The following CRMP1 variants were observed in gnomAD, a reference collection of about 807,000 sequenced individuals.
CRMP1 encodes collapsin response mediator protein 1.
Under a neutral mutation model 68.3 loss-of-function variants are expected in CRMP1, and 19 were observed. That is an observed-to-expected ratio of 0.28 (90% confidence interval 0.19 to 0.41). CRMP1 has a LOEUF of 0.41. CRMP1 is among the 10% of genes least tolerant of loss of function. The pLI is 1.00. For synonymous variants in CRMP1, 439 were observed against 399.6 expected (o/e 1.10, Z -1.18); for missense variants, 791 against 967.4 (o/e 0.82, Z 2.42).
chr4:5,849,492 G>C lies in CRMP1; in HGVS notation c.883-20C>G. The C allele has an allele frequency of 6.4e-7, 1 of 1,564,372 alleles. No individual in the cohort carries two copies. The highest frequency in any genetic ancestry group is 8.7e-7 in the Non-Finnish European group (1 of 1,143,364). On this transcript the variant is annotated intron_variant, in intron 5 of 13. Transcript: ENST00000324989. The stretch of plus-strand genomic sequence containing the variant: ...ATAGAGCTATGGAGAGATAAACAGG[G>C]GTTGGTGTGAGATTTAAAAAAAAAA...
chr4:5,876,024 G>A (rs1714802922), intron 1 of CRMP1, among the ~76,000 whole-genome samples: 1 of 151,932 alleles, frequency 6.6e-6, no homozygotes, highest in Non-Finnish European at 1.5e-5. Context: ...ATGGTGGCAG[G>A]CGCCTGTAGT....
At chr4:5,849,301 G>T in intron 6 of CRMP1, 91 bp downstream of exon 6, 1 of 1,014,244 alleles carries the variant, frequency 9.9e-7, no homozygotes, top group Non-Finnish European at 1.5e-6. Context: ...TCATTGTACA[G>T]CCTCCTCACT....
chr4:5,825,746 G>A lies in CRMP1; in HGVS notation c.1804-87C>T, dbSNP rs1560478039. Reference sequence around the variant, plus strand: ...ATAAAGCAGAGCCCTGCGGGCGAGAGAGAAACCTGAGGTCACTTCAAATGT... The same window carrying A: ...ATAAAGCAGAGCCCTGCGGGCGAGAAAGAAACCTGAGGTCACTTCAAATGT... On this transcript the variant is annotated intron_variant, in intron 12 of 13. Transcript: ENST00000324989. The surrounding 1 kb of genome is among the most constrained non-coding windows in gnomAD (Gnocchi z 4.4). 1 of 1,388,540 alleles carries A rather than the reference G, an allele frequency of 7.2e-7. No individual in the cohort carries two copies. 86.0% of individuals were successfully genotyped at this position (1,388,540 alleles called of 1,614,324 possible).
In CRMP1 at chr4:5,823,403, C is replaced by T. The variant is rs557408087; in HGVS notation, c.1970-1552G>A. Among the ~76,000 whole-genome samples the T allele has an allele frequency of 4.6e-5, 7 of 152,316 alleles. No individual in the cohort carries two copies. The South Asian group carries it at 1.2e-3, about 27-fold the overall frequency. On this transcript the variant is annotated intron_variant, in intron 13 of 13. Transcript: ENST00000324989. Reference sequence around the variant, plus strand: ...AACTTTTTCCTTACAACCATCTGTACCTTGCTGGTTGCATGTCTGTACTTT... The same window carrying T: ...AACTTTTTCCTTACAACCATCTGTATCTTGCTGGTTGCATGTCTGTACTTT...
rs773957783 is a variant in CRMP1 at position 5,861,019 on chromosome 4, C to T, written c.655+7G>A. ...ATGTCCCTAAGGCAGGGGACAGTGT[C>T]ACTCACTGATCATCGTGGTCCCGCC... On this transcript the variant is annotated splice_region_variant and intron_variant, in intron 3 of 13. Coordinates refer to ENST00000324989, the MANE Select transcript of CRMP1 (RefSeq NM_001014809.3). The surrounding 1 kb of genome is among the most constrained non-coding windows in gnomAD (Gnocchi z 6.0). 15 of 1,613,280 alleles carry T rather than the reference C, an allele frequency of 9.3e-6. No homozygotes were observed. Among genetic ancestry groups the T allele is most frequent in the Non-Finnish European group, 1.2e-5 (14 of 1,179,712 alleles).
Position 5,847,120 on chromosome 4 carries a change from G to A in CRMP1, c.963+2272C>T, listed in dbSNP as rs530038377. ...CATTTCCCAGCCAGATTTCAGAACC[G>A]CCATGAACCAATAACTCCTTGGTGC... On this transcript the variant is annotated intron_variant, in intron 6 of 13. Coordinates refer to ENST00000324989, the MANE Select transcript of CRMP1 (RefSeq NM_001014809.3). Among the ~76,000 whole-genome samples, 233 of 152,256 alleles carry A rather than the reference G, an allele frequency of 1.5e-3. 1 individual carries two copies. The highest frequency in any genetic ancestry group is 6.7e-3 in the East Asian group (35 of 5,186).
At chr4:5,833,163 T>TAAGAGATGAAA (rs1407084612) in intron 11 of CRMP1, among the ~76,000 whole-genome samples, 8 of 109,814 alleles carry the variant, frequency 7.3e-5, no homozygotes, top group South Asian at 3.2e-4. Context: ...CCAGAACTTT[T>TAAGAGATGAAA]TTTTTTTTTT....
At position 5,853,432 on chromosome 4, in the gene CRMP1, G is replaced by C. The variant is rs1438119046; in HGVS notation, c.821-1963C>G. 6.6e-6 allele frequency among the ~76,000 whole-genome samples: 1 copy of C among 152,174 alleles called. No homozygotes were observed. The highest frequency in any genetic ancestry group is 1.9e-4 in the East Asian group (1 of 5,192). On this transcript the variant is annotated intron_variant, in intron 4 of 13. Coordinates refer to ENST00000324989, the MANE Select transcript of CRMP1 (RefSeq NM_001014809.3). The surrounding 1 kb of genome is among the most constrained non-coding windows in gnomAD (Gnocchi z 4.7). Reference sequence around the variant, plus strand: ...GAAAGAAAGAAAGAGCTGCATCTAAGAGATAGCAAGTGTTGATGAGGATGT... The same window carrying C: ...GAAAGAAAGAAAGAGCTGCATCTAACAGATAGCAAGTGTTGATGAGGATGT...
intron 8 of CRMP1, 125 bp from the exon 9 acceptor site, chr4:5,839,803 C>T (rs913956046): frequency 1.4e-5 from 16 of 1,158,462 alleles, no homozygotes; most frequent in Non-Finnish European, 1.8e-5. Context: ...CACTGGCCAC[C>T]GTTCTTGCAG....
chr4:5,823,664 G>T (rs1349554610), intron 13 of CRMP1, among the ~76,000 whole-genome samples: 2 of 152,166 alleles, frequency 1.3e-5, no homozygotes, highest in East Asian at 3.9e-4. Flanking sequence ...TTCTTCCTCT[G>T]TTGCCATGTG....
Position 5,890,148 on chromosome 4 carries a change from A to G in CRMP1, c.381+2441T>C. ...GACACTGTCCCTCCCCAACTCCTAC[A>G]CTCCCTTCCTTGGAGTTGTTAAGTC... On this transcript the variant is annotated intron_variant, in intron 1 of 13. Transcript: ENST00000324989. The surrounding 1 kb of genome is among the most constrained non-coding windows in gnomAD (Gnocchi z 5.5). The G allele has an allele frequency of 5.4e-6, 1 of 185,848 alleles. No homozygotes were observed. Among genetic ancestry groups the G allele is most frequent in the Non-Finnish European group, 1.1e-5 (1 of 88,314 alleles). 11.5% of individuals were successfully genotyped at this position (185,848 alleles called of 1,614,324 possible).
intron 6 of CRMP1, among the ~76,000 whole-genome samples, chr4:5,844,493 A>C (rs1712035888): frequency 6.6e-6 from 1 of 152,246 alleles, no homozygotes; most frequent in African/African-American, 2.4e-5. Context: ...TTTCTAGTCT[A>C]AAATAATGGA....
chr4:5,887,729 T>A, intron 1 of CRMP1: 1 of 985,258 alleles, frequency 1.0e-6, no homozygotes. Flanking sequence ...GGACTTCCAC[T>A]CCATCAGTAA....
At chr4:5,868,261 C>CTATATATATA (rs60816757) in intron 1 of CRMP1, among the ~76,000 whole-genome samples, 137 of 111,400 alleles carry the variant, frequency 1.2e-3, no homozygotes, top group Non-Finnish European at 1.8e-3. Flanking sequence ...GACTATATAT[C>CTATATATATA]TATATATATA....
chr4:5,886,564 G>A (rs959689405), intron 1 of CRMP1, among the ~76,000 whole-genome samples: 3 of 152,212 alleles, frequency 2.0e-5, no homozygotes, highest in African/African-American at 7.2e-5. Context: ...ACTTTCAGAG[G>A]CAGCATCCCA....
intron 6 of CRMP1, among the ~76,000 whole-genome samples, chr4:5,845,943 G>A (rs1464742809): frequency 6.6e-6 from 1 of 152,140 alleles, no homozygotes; most frequent in Non-Finnish European, 1.5e-5. Context: ...TAAGAACTCA[G>A]AAAGATGAGG....
rs1218039346 is a variant in CRMP1, at chr4:5,842,857, A to C, written c.1032+236T>G. ...AATCCGTATCCACTTGGGACACTGAAGCACCCACGGGGCCTTGGAGTGAAG... is the reference window on the plus strand; with the variant it reads ...AATCCGTATCCACTTGGGACACTGACGCACCCACGGGGCCTTGGAGTGAAG... On this transcript the variant is annotated intron_variant, in intron 7 of 13. Transcript: ENST00000324989. This position sits in a 1 kb window ranked among gnomAD's most constrained non-coding sequence, Gnocchi z 4.5. 6.6e-6 allele frequency among the ~76,000 whole-genome samples: 1 copy of C among 152,140 alleles called. No individual in the cohort carries two copies. Among genetic ancestry groups the C allele is most frequent in the Non-Finnish European group, 1.5e-5 (1 of 68,018 alleles).
In CRMP1 at chr4:5,892,417, C is replaced by T. The variant is rs1189275795; in HGVS notation, c.381+172G>A. On this transcript the variant is annotated intron_variant, in intron 1 of 13. Coordinates refer to ENST00000324989, the MANE Select transcript of CRMP1 (RefSeq NM_001014809.3). The surrounding 1 kb of genome is among the most constrained non-coding windows in gnomAD (Gnocchi z 8.6). ...GCCAGCCCCGACCGAGTCGCCCCAG[C>T]TCTGGGAACCTCTTGCATGATGAGG... is the stretch of plus-strand genomic sequence containing the variant. Among the ~76,000 whole-genome samples the T allele has an allele frequency of 6.6e-6, 1 of 152,138 alleles. No homozygotes were observed. Among genetic ancestry groups the T allele is most frequent in the African/African-American group, 2.4e-5 (1 of 41,458 alleles).
At position 5,829,384 on chromosome 4, in the gene CRMP1, G is replaced by A. The variant is rs555131796; in HGVS notation, c.1624-716C>T. Among the ~76,000 whole-genome samples the A allele has an allele frequency of 1.2e-3, 182 of 152,212 alleles. 1 individual carries two copies. The highest frequency in any genetic ancestry group is 4.4e-3 in the Admixed American group (67 of 15,296). On this transcript the variant is annotated intron_variant, in intron 11 of 13. Transcript: ENST00000324989. ...AGCCTGGGGGACAGAGCGAGACTCT[G>A]TCTCCAGAAAAAAACAAAACAAAAA... is the stretch of plus-strand genomic sequence containing the variant.
Sources: allele counts gnomAD v4.1 joint callset (sites outside exome capture counted in the v4.1 genomes callset), GRCh38; gene constraint gnomAD v4.1.1; non-coding constraint Gnocchi (gnomAD v3.1); transcripts MANE v1.5; gene names NCBI Gene and HGNC (gene_info 2026-07-23, HGNC 2026-07-21).